OSBPL10: variants seen among roughly 807,000 people sequenced by gnomAD.
The protein encoded by OSBPL10 is oxysterol binding protein like 10.
A neutral mutation model predicts 81.7 loss-of-function variants in OSBPL10; 49 were observed. The ratio of observed to expected loss-of-function variants is 0.60; its 90% CI spans 0.48 to 0.76. OSBPL10 has a LOEUF of 0.76. Among genes scored for constraint, OSBPL10 ranks in the 30% least tolerant of loss-of-function variants. The pLI, the probability that OSBPL10 is intolerant of heterozygous loss-of-function variation, is 0.00. For missense variants in OSBPL10, 923 were observed against 987.8 expected, an observed-to-expected ratio of 0.93 and a Z score of 0.88; for synonymous variants, 419 against 383.6, an observed-to-expected ratio of 1.09 and a Z score of -1.08.
At chr3:31,799,941 C>T (rs1455539276) in intron 4 of OSBPL10, among the ~76,000 whole-genome samples, 1 of 152,212 alleles carries the variant, frequency 6.6e-6, no homozygotes, top group African/African-American at 2.4e-5. Context: ...AACTCCTGAC[C>T]TCATGATCCG....
At chr3:32,071,616 C>G (rs1219256876) in intron 1 of OSBPL10, among the ~76,000 whole-genome samples, 2 of 152,222 alleles carry the variant, frequency 1.3e-5, no homozygotes, top group Non-Finnish European at 2.9e-5. Flanking sequence ...TGCCACCACC[C>G]TAATACTTTT....
At position 31,922,766 on chromosome 3, in the gene OSBPL10, C is replaced by G. The variant is rs1249100041; in HGVS notation, c.282-42936G>C. Among the ~76,000 whole-genome samples, 7 of 152,090 alleles carry G rather than the reference C, an allele frequency of 4.6e-5. No individual in the cohort carries two copies. The East Asian group carries it at 1.4e-3, about 29-fold the overall frequency. ...CAGAGATGGCTACAGTGATCTGTTC[C>G]CCCGGCTGGCTTCTTATGTGGCTCC... is the stretch of plus-strand genomic sequence containing the variant. On this transcript the variant is annotated intron_variant, in intron 1 of 11. Transcript: ENST00000396556.
chr3:31,791,849 CA>C (rs10536591), intron 4 of OSBPL10, among the ~76,000 whole-genome samples: 8,521 of 124,172 alleles, frequency 0.069, 652 homozygotes, highest in African/African-American at 0.2. Flanking sequence ...TTACAAAGAG[CA>C]AAAAAAAAAA....
At chr3:31,732,612 T>G (rs1575507244) in intron 6 of OSBPL10, 3 of 152,584 alleles carry the variant, frequency 2.0e-5, no homozygotes, top group South Asian at 4.1e-4. Flanking sequence ...AAACACTGCA[T>G]TTGGCTCCCC....
intron 4 of OSBPL10, among the ~76,000 whole-genome samples, chr3:31,809,867 CTCTT>C (rs1300572637): frequency 2.4e-5 from 2 of 83,460 alleles, no homozygotes; most frequent in Non-Finnish European, 4.2e-5. Flanking sequence ...TGCCCCCTGA[CTCTT>C]TTTTTTTTTT....
intron 1 of OSBPL10, among the ~76,000 whole-genome samples, chr3:32,069,468 T>C (rs73823837): frequency 3.9e-5 from 6 of 152,228 alleles, no homozygotes; most frequent in African/African-American, 9.6e-5. Context: ...CTGTTAATTA[T>C]GACAAACTTA....
intron 3 of OSBPL10, among the ~76,000 whole-genome samples, chr3:31,863,353 T>C (rs1466876779): frequency 6.6e-6 from 1 of 152,186 alleles, no homozygotes; most frequent in East Asian, 1.9e-4. Flanking sequence ...TGGAATGAGA[T>C]AGTGGTAGTG....
At chr3:31,671,177 C>T (rs557855877) in intron 8 of OSBPL10, among the ~76,000 whole-genome samples, 194 bp from the exon 9 acceptor site, 1 of 152,288 alleles carries the variant, frequency 6.6e-6, no homozygotes, top group Non-Finnish European at 1.5e-5. Flanking sequence ...GTGAACAAGA[C>T]AGACCCACTT....
chr3:32,067,681 C>A (rs1451305931), intron 1 of OSBPL10, among the ~76,000 whole-genome samples: 2 of 152,186 alleles, frequency 1.3e-5, no homozygotes, highest in Non-Finnish European at 2.9e-5. Context: ...ATCTCCCCAA[C>A]CCTTAAGAAG....
intron 1 of OSBPL10, among the ~76,000 whole-genome samples, chr3:31,903,884 T>C (rs1002713620): frequency 3.9e-5 from 6 of 152,140 alleles, no homozygotes; most frequent in Non-Finnish European, 5.9e-5. Flanking sequence ...GGGAAACACT[T>C]GTCAGGACAT....
At chr3:31,674,583 T>TTATATAGA in intron 8 of OSBPL10, among the ~76,000 whole-genome samples, 1 of 147,960 alleles carries the variant, frequency 6.8e-6, no homozygotes, top group South Asian at 2.2e-4. Flanking sequence ...GATAGATAGA[T>TTATATAGA]TAGATAGATA....
chr3:31,691,946 T>C (rs1695568714), intron 7 of OSBPL10, among the ~76,000 whole-genome samples: 1 of 152,206 alleles, frequency 6.6e-6, no homozygotes, highest in Non-Finnish European at 1.5e-5. Flanking sequence ...AAAAGGTTTC[T>C]TGACTTAGCC....
chr3:31,918,356 T>C (rs953956416), intron 1 of OSBPL10, among the ~76,000 whole-genome samples: 2 of 150,438 alleles, frequency 1.3e-5, no homozygotes, highest in Admixed American at 6.6e-5. Context: ...AGAGACAGGG[T>C]CTCATTCTGT....
At chr3:31,983,624 C>T (rs1387693958), upstream of OSBPL10, among the ~76,000 whole-genome samples, 1 of 152,182 alleles carries the variant, frequency 6.6e-6, no homozygotes, top group African/African-American at 2.4e-5. Flanking sequence ...TGATGAAGCA[C>T]ATGCTGTTCC....
Position 32,026,994 on chromosome 3 carries a change from C to T in OSBPL10, n.298+19497G>A, listed in dbSNP as rs144904987. Among the ~76,000 whole-genome samples the T allele has an allele frequency of 1.1e-4, 17 of 152,268 alleles. No individual in the cohort carries two copies. The East Asian group carries it at 2.3e-3, about 21-fold the overall frequency. On this transcript the variant is annotated intron_variant and non_coding_transcript_variant, in intron 2 of 3. Transcript: ENST00000479173. Reference sequence around the variant, plus strand: ...GGACCCTAGCTTGCTAAATAACAGCCGTGGCCAGTGGAGGAGTCATTTATT... The same window carrying T: ...GGACCCTAGCTTGCTAAATAACAGCTGTGGCCAGTGGAGGAGTCATTTATT...
chr3:31,974,450 C>A (rs2125496576), intron 1 of OSBPL10, among the ~76,000 whole-genome samples: 1 of 152,322 alleles, frequency 6.6e-6, no homozygotes, highest in Middle Eastern at 3.4e-3. Context: ...ATGTTCACAG[C>A]ATTGTGACCC....
At chr3:31,796,614 T>C (rs1465267484) in intron 4 of OSBPL10, among the ~76,000 whole-genome samples, 1 of 152,170 alleles carries the variant, frequency 6.6e-6, no homozygotes, top group East Asian at 1.9e-4. Context: ...GTCAGATAAC[T>C]TGGTGGTTGT....
intron 4 of OSBPL10, among the ~76,000 whole-genome samples, chr3:31,810,407 T>C (rs1486459072): frequency 6.6e-6 from 1 of 151,970 alleles, no homozygotes; most frequent in East Asian, 1.9e-4. Flanking sequence ...TTTAAAACAA[T>C]AATCTTAGAG....
chr3:31,736,933 T>C (rs1253866769), intron 5 of OSBPL10, among the ~76,000 whole-genome samples: 1 of 152,216 alleles, frequency 6.6e-6, no homozygotes, highest in African/African-American at 2.4e-5. Flanking sequence ...GAGATCTACT[T>C]GCCTAGGCAA....
Sources: gnomAD v4.1 joint callset for allele counts (sites outside exome capture counted in the v4.1 genomes callset) on GRCh38, gnomAD v4.1.1 for gene constraint, MANE v1.5 for transcripts, NCBI Gene and HGNC (gene_info 2026-07-23, HGNC 2026-07-21) for gene names.